GNL3: variants seen among roughly 807,000 people sequenced by gnomAD.
The protein encoded by GNL3 is G protein nucleolar 3, also known as guanine nucleotide-binding protein-like 3.
Under a neutral mutation model 70.6 loss-of-function variants are expected in GNL3, and 77 were observed. The ratio of observed to expected loss-of-function variants is 1.09; its 90% CI spans 0.91 to 1.32. GNL3 has a LOEUF of 1.32. Ranked by LOEUF, GNL3 falls within the 40% of genes most tolerant of loss-of-function variation. The probability of loss-of-function intolerance (pLI) is 0.00; values close to 1 mark genes in which losing one functional copy is unlikely to be tolerated. For synonymous variants in GNL3, 252 were observed against 216.1 expected, an observed-to-expected ratio of 1.17 and a Z score of -1.46; for missense variants, 634 against 644.0, an observed-to-expected ratio of 0.98 and a Z score of 0.17.
chr3:52,687,069 A>T, intron 2 of GNL3, 177 bp from the exon 3 acceptor site: 4 of 643,594 alleles, frequency 6.2e-6, no homozygotes, highest in Non-Finnish European at 1.1e-5. Flanking sequence ...TCTAGTTACA[A>T]TTTCTTGCTG....
At chr3:52,693,073 C>T (rs780326242) in intron 10 of GNL3, 27 bp downstream of exon 10, 1 of 1,610,898 alleles carries the variant, frequency 6.2e-7, no homozygotes, top group South Asian at 1.1e-5. Context: ...TCATGAGCTC[C>T]TTGGAGCCAT....
intron 13 of GNL3, 73 bp from the exon 14 acceptor site, chr3:52,693,964 A>T: frequency 7.3e-7 from 1 of 1,377,040 alleles, no homozygotes. Flanking sequence ...TTAATTTTTC[A>T]GGTACATAAC....
rs1561248702 is a variant in GNL3 at position 52,687,279 on chromosome 3, GC to G, written c.107del (p.Ala36ValfsTer31). The G allele has an allele frequency of 6.2e-7, 1 of 1,613,090 alleles. No individual in the cohort carries two copies. On this transcript the variant is annotated frameshift_variant, in exon 3 of 15. Transcript: ENST00000418458. LOFTEE classifies it high-confidence loss of function. ...ACATCATCGAAAATTAAGAAAGGAG[GC>G]TAAAAAGCGGGGTCACAAGAAGCCT... ...REHHRKLRKE[A>X]KKRGHKKPRK... is the part of the protein sequence containing the mutation.
chr3:52,694,012 A>G, intron 13 of GNL3, 25 bp from the exon 14 acceptor site: 1 of 1,590,194 alleles, frequency 6.3e-7, no homozygotes, highest in Non-Finnish European at 8.6e-7. Context: ...CTACTAATCC[A>G]GCACTATTTT....
intron 7 of GNL3, 30 bp from the exon 8 acceptor site, chr3:52,690,915 C>T: frequency 6.2e-7 from 1 of 1,610,572 alleles, no homozygotes; most frequent in Non-Finnish European, 8.5e-7. Flanking sequence ...AGGTAAGTTG[C>T]CAGAATAATT....
At position 52,693,348 on chromosome 3, in the gene GNL3, T is replaced by A; in HGVS notation, c.1187+19T>A. ...GGACAGGGTAAGCTTTCTTTTCTGTTGGCATTTTGGTGACCACTAGAATAA... is the reference window on the plus strand; with the variant it reads ...GGACAGGGTAAGCTTTCTTTTCTGTAGGCATTTTGGTGACCACTAGAATAA... On this transcript the variant is annotated intron_variant, in intron 11 of 14. Transcript: ENST00000418458. The A allele has an allele frequency of 6.2e-7, 1 of 1,613,600 alleles. No individual in the cohort carries two copies. Among genetic ancestry groups the A allele is most frequent in the Non-Finnish European group, 8.5e-7 (1 of 1,179,860 alleles).
Position 52,689,107 on chromosome 3 carries a change from T to C in GNL3, c.442T>C (p.Leu148=), listed in dbSNP as rs757881161. The C allele has an allele frequency of 5.0e-6, 8 of 1,613,228 alleles. No homozygotes were observed. The Admixed American group carries it at 1.2e-4, about 24-fold the overall frequency. The part of the protein sequence containing the change: ...IEASDVVLEV[L]DARDPLGCRC... ...AGCCTCCGATGTTGTCCTAGAGGTG[T>C]TGGATGCCAGAGATCCTCTTGGTTG... Residue 148 remains leucine (L), a synonymous_variant, in exon 6 of 15, where the codon TTG becomes CTG. Coordinates refer to ENST00000418458, the MANE Select transcript of GNL3 (RefSeq NM_014366.5).
At chr3:52,690,879 T>C in intron 7 of GNL3, 66 bp from the exon 8 acceptor site, 2 of 1,535,582 alleles carry the variant, frequency 1.3e-6, no homozygotes, top group Admixed American at 1.7e-5. Flanking sequence ...TGGAGCCTGA[T>C]TGCTTGGGGT....
rs760866937 is a variant in GNL3 at position 52,693,770 on chromosome 3, A to G, written c.1463A>G (p.Lys488Arg). 7 of 1,614,180 alleles carry G rather than the reference A, an allele frequency of 4.3e-6. No individual in the cohort carries two copies. The highest frequency in any genetic ancestry group is 5.9e-6 in the Non-Finnish European group (7 of 1,180,002). Residue 488 changes from lysine to arginine, a missense_variant, in exon 13 of 15, where the codon AAA (lysine) becomes AGA (arginine). Lys to Arg is a conservative substitution (Grantham distance 26). Transcript: ENST00000418458. ...ERKQEEREDD[K>R]DSDQETVDEE... ...AAGCAGGAGGAGAGGGAGGATGACA[A>G]AGACAGTGACCAGGAAACTGTTGAT...
Position 52,693,793 on chromosome 3 carries a change from G to C in GNL3, c.1486G>C (p.Asp496His). 6.2e-7 allele frequency: 1 copy of C among 1,613,464 alleles called. No individual in the cohort carries two copies. The highest frequency in any genetic ancestry group is 1.3e-5 in the African/African-American group (1 of 74,988). Reference protein sequence around the residue: ...DDKDSDQETVDEEVDENSSGM... With the variant: ...DDKDSDQETVHEEVDENSSGM... ...CAAAGACAGTGACCAGGAAACTGTT[G>C]ATGAAGAAGTTGATGTAAGTGTGTC... Residue 496 changes from aspartate (D) to histidine (H), a missense_variant, in exon 13 of 15, where the codon GAT (aspartate) becomes CAT (histidine). Physicochemically the swap from Asp to His is moderately conservative, Grantham distance 81 (BLOSUM62 -1). Coordinates refer to ENST00000418458, the MANE Select transcript of GNL3 (RefSeq NM_014366.5).
intron 4 of GNL3, 30 bp downstream of exon 4, chr3:52,687,645 A>T: frequency 1.2e-5 from 17 of 1,385,678 alleles, no homozygotes; most frequent in Non-Finnish European, 1.6e-5. Context: ...TGAATGAGAG[A>T]TCAGGGGTTT....
chr3:52,690,465 G>T, intron 6 of GNL3, 127 bp from the exon 7 acceptor site: 1 of 606,088 alleles, frequency 1.6e-6, no homozygotes, highest in Non-Finnish European at 3.0e-6. Flanking sequence ...GGGTTTTATC[G>T]TGTTAGCCAG....
intron 9 of GNL3, among the ~76,000 whole-genome samples, chr3:52,692,517 A>G (rs1345461185): frequency 6.7e-6 from 1 of 150,146 alleles, no homozygotes; most frequent in Non-Finnish European, 1.5e-5. Context: ...GGCTTTCATC[A>G]TGTTGGCCAG....
chr3:52,692,224 A>G (rs1208581980), intron 9 of GNL3, among the ~76,000 whole-genome samples: 1 of 152,036 alleles, frequency 6.6e-6, no homozygotes, highest in African/African-American at 2.4e-5. Context: ...TAGTTTTTGT[A>G]TTTTTAATAG....
chr3:52,689,877 G>A (rs1037085068), intron 6 of GNL3, among the ~76,000 whole-genome samples: 5 of 152,086 alleles, frequency 3.3e-5, no homozygotes, highest in South Asian at 4.1e-4. Flanking sequence ...GCTTGAACCC[G>A]GGAGGCGGAG....
chr3:52,688,258 T>G (rs1578573363), intron 5 of GNL3, 66 bp downstream of exon 5: 1 of 925,186 alleles, frequency 1.1e-6, no homozygotes, highest in Non-Finnish European at 1.8e-6. Context: ...TCATTTTTTT[T>G]TTAACCTTTT....
chr3:52,686,720 C>A, intron 1 of GNL3, 49 bp from the exon 2 acceptor site: 2 of 1,399,182 alleles, frequency 1.4e-6, no homozygotes, highest in Non-Finnish European at 2.0e-6. Context: ...GTGCGTTAAC[C>A]CAGAACTAAT....
chr3:52,692,619 A>G (rs2097328394), intron 9 of GNL3: 1 of 554,182 alleles, frequency 1.8e-6, no homozygotes, highest in South Asian at 1.6e-5. Flanking sequence ...GCCCAGCCAG[A>G]AGGTGGCATA....
In GNL3 at chr3:52,689,157, C is replaced by T. The variant is rs747774106; in HGVS notation, c.492C>T (p.Ala164=). The change falls in exon 6 of 15, where the codon GCC becomes GCT. Residue 164 remains alanine, a synonymous_variant. Transcript: ENST00000418458. Reference sequence around the variant, plus strand: ...GCAGATGTCCTCAGGTAGAAGAGGCCATTGTCCAGAGTGGACAGAAAAAGC... The same window carrying T: ...GCAGATGTCCTCAGGTAGAAGAGGCTATTGTCCAGAGTGGACAGAAAAAGC... The part of the protein sequence containing the change: ...LGCRCPQVEE[A]IVQSGQKKLV... The T allele has an allele frequency of 6.2e-7, 1 of 1,611,876 alleles. No homozygotes were observed. Among genetic ancestry groups the T allele is most frequent in the African/African-American group, 1.3e-5 (1 of 74,996 alleles).
Sources: gnomAD v4.1 joint callset for allele counts (sites outside exome capture counted in the v4.1 genomes callset) on GRCh38, gnomAD v4.1.1 for gene constraint, MANE v1.5 for transcripts, NCBI Gene and HGNC (gene_info 2026-07-23, HGNC 2026-07-21) for gene names.